The following CDC42BPB variants were observed in gnomAD, a reference collection of about 807,000 sequenced individuals.
CDC42BPB encodes the protein CDC42 binding protein kinase beta, also known as serine/threonine-protein kinase MRCK beta.
A neutral mutation model predicts 214.9 loss-of-function variants in CDC42BPB; 37 were observed. That is an observed-to-expected ratio of 0.17 (90% CI 0.13 to 0.23). The LOEUF (loss-of-function observed/expected upper bound fraction) is 0.23, where lower values mean the gene tolerates loss of function less well. Ranked by LOEUF, CDC42BPB falls within the 10% of genes least tolerant of loss-of-function variation. The pLI is 1.00. For synonymous variants in CDC42BPB, 931 were observed against 884.0 expected (o/e 1.05, Z -0.94); for missense variants, 1,694 against 2,227.0 (o/e 0.76, Z 4.82).
At chr14:102,977,685 C>G (rs1231999665) in intron 9 of CDC42BPB, among the ~76,000 whole-genome samples, 1 of 152,224 alleles carries the variant, frequency 6.6e-6, no homozygotes, top group Non-Finnish European at 1.5e-5. Flanking sequence ...TGGCCACCGA[C>G]TGGATCAGAG....
At chr14:103,048,731 A>G (rs1888442727) in intron 1 of CDC42BPB, among the ~76,000 whole-genome samples, 1 of 148,130 alleles carries the variant, frequency 6.8e-6, no homozygotes, top group South Asian at 2.1e-4. Flanking sequence ...AAAATTAGCC[A>G]GGTGTGATGG....
At chr14:102,983,447 C>A in intron 7 of CDC42BPB, 109 bp downstream of exon 7, 2 of 1,500,966 alleles carry the variant, frequency 1.3e-6, no homozygotes, top group Non-Finnish European at 1.8e-6. Context: ...GTCACCTCTT[C>A]CTCAACTACT....
At chr14:102,978,443 A>G in intron 8 of CDC42BPB, 1 of 570,124 alleles carries the variant, frequency 1.8e-6, no homozygotes, top group Non-Finnish European at 2.2e-6. Context: ...TCTGATTTCG[A>G]TGATGACAGT....
intron 8 of CDC42BPB, 57 bp downstream of exon 8, chr14:102,980,716 A>C (rs1277743005): frequency 1.3e-6 from 2 of 1,539,154 alleles, no homozygotes; most frequent in South Asian, 1.1e-5. Flanking sequence ...CCCTCAACAC[A>C]GCACTGCATG....
intron 5 of CDC42BPB, among the ~76,000 whole-genome samples, chr14:102,994,662 C>G (rs1465053785): frequency 6.6e-6 from 1 of 152,244 alleles, no homozygotes; most frequent in Non-Finnish European, 1.5e-5. Flanking sequence ...TTTCTCCCAG[C>G]TGCTGAGATT....
At chr14:103,022,748 A>C (rs952116803) in intron 1 of CDC42BPB, among the ~76,000 whole-genome samples, 7 of 152,076 alleles carry the variant, frequency 4.6e-5, no homozygotes, top group African/African-American at 1.7e-4. Context: ...CCATAAATTA[A>C]ATTCTAGGGT....
intron 3 of CDC42BPB, among the ~76,000 whole-genome samples, chr14:103,005,951 C>T (rs1007506109): frequency 1.8e-4 from 27 of 146,188 alleles, no homozygotes; most frequent in Admixed American, 9.0e-4. Flanking sequence ...CGCAGGAGAC[C>T]GAGGTCGCAG....
intron 1 of CDC42BPB, among the ~76,000 whole-genome samples, chr14:103,031,303 A>G (rs898712212): frequency 6.6e-6 from 1 of 152,138 alleles, no homozygotes; most frequent in Non-Finnish European, 1.5e-5. Flanking sequence ...TGTTCTTCTG[A>G]TTTCATGAAA....
rs2139593221 is a variant in CDC42BPB, at chr14:102,999,643, G to A, written c.518C>T (p.Pro173Leu). 2 of 1,614,160 alleles carry A rather than the reference G, an allele frequency of 1.2e-6. No individual in the cohort carries two copies. Among genetic ancestry groups the A allele is most frequent in the South Asian group, 1.1e-5 (1 of 91,074 alleles). ...TLLSKFEDKL[P>L]EDMARFYIGE... ...AATGTAGAACCTCGCCATATCTTCC[G>A]GAAGCTTGTCTTCAAATTTGCTGAG... Residue 173 changes from proline (P) to leucine (L), a missense_variant, in exon 5 of 37, where the codon CCG (proline) becomes CTG (leucine). Pro to Leu is a moderately conservative substitution (Grantham distance 98). This residue lies in a region of CDC42BPB where 225 missense variants were observed against 459.3 expected (regional missense o/e 0.49). Transcript: ENST00000361246.
At chr14:102,941,402 A>C in intron 30 of CDC42BPB, 1 of 985,466 alleles carries the variant, frequency 1.0e-6, no homozygotes, top group African/African-American at 1.7e-5. Flanking sequence ...TTTTCTTCTG[A>C]ATACAAAAAG....
Position 102,986,664 on chromosome 14 carries a change from T to A in CDC42BPB, c.597-84A>T. Reference sequence around the variant, plus strand: ...AAGCCCTTAACTAGTGGTGATCAGATGAATAAATGCTAATATCCTCTTGTG... The same window carrying A: ...AAGCCCTTAACTAGTGGTGATCAGAAGAATAAATGCTAATATCCTCTTGTG... On this transcript the variant is annotated intron_variant, in intron 5 of 36. Transcript: ENST00000361246. 6 of 1,538,842 alleles carry A rather than the reference T, an allele frequency of 3.9e-6. No individual in the cohort carries two copies. In the South Asian group the frequency reaches 7.5e-5, roughly 19 times the overall value.
chr14:102,964,235 A>AC (rs1893087286), intron 19 of CDC42BPB, among the ~76,000 whole-genome samples: 1 of 152,144 alleles, frequency 6.6e-6, no homozygotes, highest in Admixed American at 6.5e-5. Flanking sequence ...GGGCACAAGC[A>AC]CCCGCTGCCG....
At chr14:103,010,432 C>G (rs1402537674) in intron 2 of CDC42BPB, among the ~76,000 whole-genome samples, 1 of 152,248 alleles carries the variant, frequency 6.6e-6, no homozygotes, top group Non-Finnish European at 1.5e-5. Flanking sequence ...CTCTCCTCCC[C>G]TATCCCTCTG....
intron 1 of CDC42BPB, among the ~76,000 whole-genome samples, chr14:103,021,499 A>G (rs1310676659): frequency 2.0e-5 from 3 of 151,554 alleles, no homozygotes; most frequent in Non-Finnish European, 4.4e-5. Context: ...CCTGGCCAAC[A>G]TGGTGAAACC....
intron 6 of CDC42BPB, 93 bp downstream of exon 6, chr14:102,986,394 T>C: frequency 1.3e-6 from 1 of 763,484 alleles, no homozygotes; most frequent in South Asian, 1.7e-5. Flanking sequence ...TTAATATACT[T>C]GGTTTCTTAA....
At chr14:103,009,752 G>A (rs1886045721) in intron 2 of CDC42BPB, among the ~76,000 whole-genome samples, 1 of 152,232 alleles carries the variant, frequency 6.6e-6, no homozygotes, top group South Asian at 2.1e-4. Flanking sequence ...TGTGGCCTGG[G>A]CCCTGCTCAC....
chr14:103,039,918 T>C (rs1455231204), intron 1 of CDC42BPB, among the ~76,000 whole-genome samples: 2 of 152,162 alleles, frequency 1.3e-5, no homozygotes, highest in African/African-American at 4.8e-5. Context: ...CTACTAAAAC[T>C]AATTAAAAAG....
chr14:102,938,505 G>A, intron 34 of CDC42BPB, 94 bp from the exon 35 acceptor site: 1 of 1,465,700 alleles, frequency 6.8e-7, no homozygotes, highest in South Asian at 1.4e-5. Flanking sequence ...GTGGCCTCGT[G>A]ACCTTGATGA....
chr14:103,002,898 T>G (rs1895055299), intron 4 of CDC42BPB, among the ~76,000 whole-genome samples: 1 of 152,086 alleles, frequency 6.6e-6, no homozygotes, highest in South Asian at 2.1e-4. Context: ...TAAGTACACA[T>G]TTTTCCCTAA....
Sources: allele counts gnomAD v4.1 joint callset (sites outside exome capture counted in the v4.1 genomes callset), GRCh38; gene constraint gnomAD v4.1.1; regional missense constraint gnomAD v4.1.1; transcripts MANE v1.5; gene names NCBI Gene and HGNC (gene_info 2026-07-23, HGNC 2026-07-21).